The following PCDHGA4 variants were observed in gnomAD, a reference collection of about 807,000 sequenced individuals.
PCDHGA4 encodes protocadherin gamma subfamily A, 4.
Under a neutral mutation model 54.6 loss-of-function variants are expected in PCDHGA4, and 38 were observed. The ratio of observed to expected loss-of-function variants is 0.70; its 90% CI spans 0.54 to 0.91. The LOEUF (loss-of-function observed/expected upper bound fraction) is 0.91. PCDHGA4 is among the 40% of genes least tolerant of loss of function. PCDHGA4 has a pLI of 0.00. For missense variants in PCDHGA4, 1,298 were observed against 1,220.9 expected (o/e 1.06, Z -0.94); for synonymous variants, 511 against 512.9 (o/e 1.00, Z 0.05).
At position 141,393,382 on chromosome 5, in the gene PCDHGA4, T is replaced by G. The variant is rs778957877; in HGVS notation, c.2514+35761T>G. ...GTGCAGACTGGAGACAATGGAGCCA[T>G]AAACCCAGAGCTGGTGCTGGAGCGC... On this transcript the variant is annotated intron_variant, in intron 1 of 3. Coordinates refer to ENST00000571252, the MANE Select transcript of PCDHGA4 (RefSeq NM_018917.4). The G allele has an allele frequency of 1.9e-6, 3 of 1,613,948 alleles. No individual in the cohort carries two copies. In the South Asian group the frequency reaches 3.3e-5, roughly 18 times the overall value.
In PCDHGA4 at chr5:141,384,503, A is replaced by T. The variant is rs761415530; in HGVS notation, c.2514+26882A>T. On this transcript the variant is annotated intron_variant, in intron 1 of 3. Coordinates refer to ENST00000571252, the MANE Select transcript of PCDHGA4 (RefSeq NM_018917.4). ...GAACTACAACTAAGAGTGACTGCACATGACAGCGGGGACCCGCCTCTCAGC... is the reference window on the plus strand; with the variant it reads ...GAACTACAACTAAGAGTGACTGCACTTGACAGCGGGGACCCGCCTCTCAGC... 155 of 1,614,074 alleles carry T rather than the reference A, an allele frequency of 9.6e-5. No individual in the cohort carries two copies. Among genetic ancestry groups the T allele is most frequent in the Non-Finnish European group, 1.3e-4 (153 of 1,180,026 alleles).
rs1001516677 is a variant in PCDHGA4 at position 141,399,747 on chromosome 5, A to G, written c.2514+42126A>G. On this transcript the variant is annotated intron_variant, in intron 1 of 3. Coordinates refer to ENST00000571252, the MANE Select transcript of PCDHGA4 (RefSeq NM_018917.4). The stretch of plus-strand genomic sequence containing the variant: ...ACCAGGGCTCGCCTGCGCTCAGCGC[A>G]AACGTGAGCCTGCGCGTGTTGGTGG... 3.7e-6 allele frequency: 6 copies of G among 1,613,228 alleles called. No homozygotes were observed. In the African/African-American group the frequency reaches 6.7e-5, roughly 18 times the overall value.
chr5:141,393,805 C>T (rs1266380650), intron 1 of PCDHGA4: 3 of 1,613,914 alleles, frequency 1.9e-6, no homozygotes, highest in South Asian at 1.1e-5. Flanking sequence ...CTGGGGAGGA[C>T]CAAATTGCTC....
At chr5:141,409,847 C>T (rs2095325421) in intron 1 of PCDHGA4, 3 of 1,611,712 alleles carry the variant, frequency 1.9e-6, no homozygotes, top group East Asian at 2.2e-5. Context: ...CGTGAGCCTG[C>T]GCGTGTTGGT....
chr5:141,447,257 A>G (rs1182682161), intron 1 of PCDHGA4, among the ~76,000 whole-genome samples: 1 of 152,080 alleles, frequency 6.6e-6, no homozygotes, highest in Non-Finnish European at 1.5e-5. Flanking sequence ...CTTCTGTCTC[A>G]GCCTCCCAAG....
At chr5:141,370,514 G>C (rs1295709231) in intron 1 of PCDHGA4, 2 of 1,613,894 alleles carry the variant, frequency 1.2e-6, no homozygotes, top group East Asian at 2.2e-5. Context: ...TTCCCGAGGA[G>C]CTGGACAGGG....
chr5:141,383,125 G>A (rs757654723), intron 1 of PCDHGA4: 6 of 1,614,062 alleles, frequency 3.7e-6, no homozygotes, highest in South Asian at 3.3e-5. Context: ...GCAGCTTTTC[G>A]CCCTGAACCA....
At chr5:141,398,009 C>A (rs1589315775) in intron 1 of PCDHGA4, 6 of 1,400,558 alleles carry the variant, frequency 4.3e-6, no homozygotes, top group East Asian at 5.1e-5. Flanking sequence ...GAAAAAGAAT[C>A]GTTTCCTAAA....
At chr5:141,439,496 G>A (rs1166315364) in intron 1 of PCDHGA4, among the ~76,000 whole-genome samples, 2 of 152,152 alleles carry the variant, frequency 1.3e-5, no homozygotes, top group Non-Finnish European at 2.9e-5. Context: ...AGTGAGAAAC[G>A]TCTTTCTCTC....
intron 1 of PCDHGA4, chr5:141,415,069 A>G (rs1323441877): frequency 1.1e-5 from 18 of 1,613,420 alleles, no homozygotes; most frequent in Non-Finnish European, 1.5e-5. Flanking sequence ...CGAGGTGCGC[A>G]CGGCGCGAGC....
chr5:141,392,546 T>A (rs1207052717), intron 1 of PCDHGA4: 1 of 336,090 alleles, frequency 3.0e-6, no homozygotes, highest in Non-Finnish European at 5.4e-6. Flanking sequence ...AGAAGTAATC[T>A]GTATCTCAGT....
intron 1 of PCDHGA4, among the ~76,000 whole-genome samples, chr5:141,483,832 G>A (rs994540286): frequency 2.0e-5 from 3 of 152,134 alleles, no homozygotes; most frequent in African/African-American, 7.2e-5. Context: ...ACCTAGGTAA[G>A]GACTTGGTTG....
At chr5:141,421,387 G>A in intron 1 of PCDHGA4, 3 of 1,614,054 alleles carry the variant, frequency 1.9e-6, no homozygotes, top group Non-Finnish European at 2.5e-6. Context: ...CAAGGACCTG[G>A]GGCTGGAGCC....
intron 1 of PCDHGA4, among the ~76,000 whole-genome samples, chr5:141,436,701 A>C (rs571525375): frequency 6.9e-4 from 105 of 152,332 alleles, no homozygotes; most frequent in Non-Finnish European, 9.4e-4. Context: ...ATGCCAGCAC[A>C]CTCGATGTTC....
Position 141,462,070 on chromosome 5 carries a change from G to A in PCDHGA4, c.2515-32737G>A, listed in dbSNP as rs572217894. Among the ~76,000 whole-genome samples the A allele has an allele frequency of 2.6e-5, 4 of 152,196 alleles. No homozygotes were observed. In the East Asian group the frequency reaches 7.7e-4, roughly 29 times the overall value. Reference sequence around the variant, plus strand: ...ACTCCCGACCTCAGGTGATCTGCCCGCCTTGGCCTCCCAAAATGCTGGGAT... The same window carrying A: ...ACTCCCGACCTCAGGTGATCTGCCCACCTTGGCCTCCCAAAATGCTGGGAT... On this transcript the variant is annotated intron_variant, in intron 1 of 3. Transcript: ENST00000571252.
In PCDHGA4 at chr5:141,482,326, GAAT is replaced by G. The variant is rs1344469521; in HGVS notation, c.2515-12479_2515-12477del. Among the ~76,000 whole-genome samples, 3 of 152,072 alleles carry G rather than the reference GAAT, an allele frequency of 2.0e-5. No homozygotes were observed. The East Asian group carries it at 5.8e-4, about 29-fold the overall frequency. ...AGTTTCCTCATCTATAAAATAAAGAGAATATCTACTTTGCAAACTTGTTGTGAG... is the reference window on the plus strand; with the variant it reads ...AGTTTCCTCATCTATAAAATAAAGAGATCTACTTTGCAAACTTGTTGTGAG... On this transcript the variant is annotated intron_variant, in intron 1 of 3. Transcript: ENST00000571252.
At chr5:141,404,521 G>A in intron 1 of PCDHGA4, 2 of 1,613,976 alleles carry the variant, frequency 1.2e-6, no homozygotes, top group Non-Finnish European at 1.7e-6. Flanking sequence ...TTGACTATGA[G>A]CAGTTTAGAG....
chr5:141,400,682 G>C (rs778099324), intron 1 of PCDHGA4: 10 of 835,140 alleles, frequency 1.2e-5, no homozygotes, highest in Non-Finnish European at 1.7e-5. Context: ...AGTAAATTGT[G>C]AGTTTTTATG....
intron 1 of PCDHGA4, chr5:141,419,774 C>T (rs2096431329): frequency 6.2e-7 from 1 of 1,613,902 alleles, no homozygotes; most frequent in Admixed American, 1.7e-5. Flanking sequence ...GGACTCGGTC[C>T]GCCAGCGCCT....
Sources: gnomAD v4.1 joint callset for allele counts (sites outside exome capture counted in the v4.1 genomes callset) on GRCh38, gnomAD v4.1.1 for gene constraint, MANE v1.5 for transcripts, NCBI Gene and HGNC (gene_info 2026-07-23, HGNC 2026-07-21) for gene names.